CPE: variants seen among roughly 807,000 people sequenced by gnomAD.
CPE encodes carbocypeptidase E.
CPE carries 17 observed loss-of-function variants against 53.5 expected under a neutral mutation model. The observed-to-expected ratio is 0.32, with a 90% CI of 0.22 to 0.48. The LOEUF is 0.48. Ranked by LOEUF, CPE falls within the 20% of genes least tolerant of loss-of-function variation. CPE has a pLI of 0.99. For synonymous variants in CPE, 226 were observed against 228.8 expected (o/e 0.99, Z 0.11); for missense variants, 524 against 614.7 (o/e 0.85, Z 1.56).
At chr4:165,451,187 T>C (rs1731801092) in intron 1 of CPE, among the ~76,000 whole-genome samples, 1 of 152,230 alleles carries the variant, frequency 6.6e-6, no homozygotes, top group African/African-American at 2.4e-5. Flanking sequence ...GGGATAGGTC[T>C]GAATCAGGCC....
intron 1 of CPE, among the ~76,000 whole-genome samples, chr4:165,401,205 T>C (rs1479168913): frequency 6.6e-6 from 1 of 152,218 alleles, no homozygotes; most frequent in Non-Finnish European, 1.5e-5. Context: ...AGTGGTGCCA[T>C]TGCTTAGAGT....
At chr4:165,472,112 G>C (rs995717377) in intron 3 of CPE, among the ~76,000 whole-genome samples, 3 of 152,136 alleles carry the variant, frequency 2.0e-5, no homozygotes, top group Non-Finnish European at 2.9e-5. Flanking sequence ...AAAAACAAAG[G>C]ATCAGCAATG....
In CPE at chr4:165,474,750, C is replaced by T. The variant is rs112504375; in HGVS notation, c.672+6895C>T. Among the ~76,000 whole-genome samples the T allele has an allele frequency of 4.0e-3, 611 of 152,350 alleles. 2 individuals are homozygous for T. The highest frequency in any genetic ancestry group is 7.0e-3 in the Non-Finnish European group (474 of 68,036). ...GTTAACCTAGAACCAACCTTCATGT[C>T]TGTCATATGGGTCTTTTGTGACTGC... On this transcript the variant is annotated intron_variant, in intron 3 of 8. Transcript: ENST00000402744.
chr4:165,400,715 A>G lies in CPE; in HGVS notation c.307+21187A>G, dbSNP rs143042626. 3.9e-5 allele frequency among the ~76,000 whole-genome samples: 6 copies of G among 152,322 alleles called. No individual in the cohort carries two copies. In the East Asian group the frequency reaches 1.2e-3, roughly 29 times the overall value. On this transcript the variant is annotated intron_variant, in intron 1 of 8. Coordinates refer to ENST00000402744, the MANE Select transcript of CPE (RefSeq NM_001873.4). ...AGCCTTTCTTTTTTAAAGGCTAGTC[A>G]AGTGAAGCAGTGGGAGTAAAGAAGG... is the stretch of plus-strand genomic sequence containing the variant.
chr4:165,465,730 T>C (rs1237858801), intron 2 of CPE, among the ~76,000 whole-genome samples: 1 of 152,088 alleles, frequency 6.6e-6, no homozygotes, highest in Non-Finnish European at 1.5e-5. Flanking sequence ...CCTAGAACTT[T>C]TGTTCTAGGT....
chr4:165,385,588 T>C (rs909579267), intron 1 of CPE, among the ~76,000 whole-genome samples: 1 of 151,824 alleles, frequency 6.6e-6, no homozygotes, highest in Non-Finnish European at 1.5e-5. Context: ...ACTACAGATG[T>C]GAGCCACCAC....
At chr4:165,477,287 A>C (rs1441303303) in intron 3 of CPE, among the ~76,000 whole-genome samples, 1 of 152,224 alleles carries the variant, frequency 6.6e-6, no homozygotes, top group Non-Finnish European at 1.5e-5. Flanking sequence ...ACTATTTTTT[A>C]ATAAGAGCTT....
At chr4:165,423,087 TTCTGGTAAG>T (rs756184041) in intron 1 of CPE, among the ~76,000 whole-genome samples, 5 of 152,082 alleles carry the variant, frequency 3.3e-5, no homozygotes, top group Non-Finnish European at 5.9e-5. Context: ...TCTTTTGAGT[TTCTGGTAAG>T]TCTTTCCAAA....
At chr4:165,393,889 A>T (rs1730722801) in intron 1 of CPE, among the ~76,000 whole-genome samples, 1 of 152,236 alleles carries the variant, frequency 6.6e-6, no homozygotes, top group South Asian at 2.1e-4. Flanking sequence ...GCACACTGTA[A>T]GTACCTACAG....
At chr4:165,409,831 G>T (rs1579248617) in intron 1 of CPE, among the ~76,000 whole-genome samples, 1 of 152,086 alleles carries the variant, frequency 6.6e-6, no homozygotes, top group African/African-American at 2.4e-5. Flanking sequence ...TTCCTTGCAG[G>T]CCTAGGTTAA....
chr4:165,452,302 C>T (rs1287027600), intron 1 of CPE, among the ~76,000 whole-genome samples: 2 of 151,968 alleles, frequency 1.3e-5, no homozygotes, highest in Non-Finnish European at 2.9e-5. Flanking sequence ...GCAATGTTTC[C>T]AGCACAAAGA....
chr4:165,483,448 C>CAT (rs1394326777), intron 4 of CPE, among the ~76,000 whole-genome samples: 1 of 152,162 alleles, frequency 6.6e-6, no homozygotes. Context: ...CTGCCATAAA[C>CAT]ATATGAGTGC....
chr4:165,408,010 A>G (rs1210153894), intron 1 of CPE, among the ~76,000 whole-genome samples: 4 of 152,024 alleles, frequency 2.6e-5, no homozygotes, highest in Non-Finnish European at 5.9e-5. Flanking sequence ...TGGGCAATTT[A>G]TCTTATTATT....
At chr4:165,415,681 ATG>A (rs1420130613) in intron 1 of CPE, among the ~76,000 whole-genome samples, 7 of 152,200 alleles carry the variant, frequency 4.6e-5, no homozygotes, top group African/African-American at 1.4e-4. Context: ...TTATATAGTG[ATG>A]TGTTACATGT....
intron 2 of CPE, among the ~76,000 whole-genome samples, chr4:165,465,762 A>G (rs1732086618): frequency 6.6e-6 from 1 of 152,138 alleles, no homozygotes; most frequent in African/African-American, 2.4e-5. Flanking sequence ...CATGAAGACT[A>G]TAAGAGGGAG....
intron 2 of CPE, among the ~76,000 whole-genome samples, chr4:165,464,923 A>G (rs1485549337): frequency 2.0e-5 from 3 of 152,202 alleles, no homozygotes; most frequent in Admixed American, 6.5e-5. Flanking sequence ...AAAAATATCT[A>G]CTGCCTTTTG....
intron 1 of CPE, among the ~76,000 whole-genome samples, chr4:165,408,087 A>C (rs1170759007): frequency 6.6e-6 from 1 of 152,042 alleles, no homozygotes; most frequent in Non-Finnish European, 1.5e-5. Flanking sequence ...AATTTGCAAA[A>C]ATCTTCTCCC....
In CPE at chr4:165,379,263, G is replaced by T; in HGVS notation, c.42G>T (p.Gly14=). The part of the protein sequence containing the change: ...RGGSALLALC[G]ALAACGWLLG... ...GCAGCGCGCTGCTGGCTCTGTGCGG[G>T]GCACTGGCTGCCTGCGGGTGGCTCC... Residue 14 remains glycine (G), a synonymous_variant, in exon 1 of 9, where the codon GGG becomes GGT. Transcript: ENST00000402744. This position sits in a 1 kb window ranked among gnomAD's most constrained non-coding sequence, Gnocchi z 6.0. 6.9e-7 allele frequency: 1 copy of T among 1,443,078 alleles called. No homozygotes were observed. The highest frequency in any genetic ancestry group is 2.8e-5 in the Admixed American group (1 of 35,314). The allele number at this position is 1,443,078 out of a possible 1,614,324, so 89.4% of individuals were successfully genotyped here.
chr4:165,418,891 T>C (rs1436998645), intron 1 of CPE, among the ~76,000 whole-genome samples: 1 of 152,158 alleles, frequency 6.6e-6, no homozygotes, highest in Non-Finnish European at 1.5e-5. Context: ...AACTAATCAT[T>C]TGGAATAGTA....
Sources: gnomAD v4.1 joint callset for allele counts (sites outside exome capture counted in the v4.1 genomes callset) on GRCh38, gnomAD v4.1.1 for gene constraint, Gnocchi (gnomAD v3.1) non-coding constraint, MANE v1.5 for transcripts, NCBI Gene and HGNC (gene_info 2026-07-23, HGNC 2026-07-21) for gene names.